Variants in PIK3C2A observed in about 807,000 individuals in gnomAD.
PIK3C2A encodes the protein phosphatidylinositol-4-phosphate 3-kinase catalytic subunit type 2 alpha.
In PIK3C2A, 97 loss-of-function variants were observed where a neutral mutation model predicts 204.5. The ratio of observed to expected loss-of-function variants is 0.47; its 90% CI spans 0.40 to 0.56. The LOEUF is 0.56. Ranked by LOEUF, PIK3C2A falls within the 20% of genes least tolerant of loss-of-function variation. PIK3C2A has a pLI of 0.00. For synonymous variants in PIK3C2A, 653 were observed against 664.4 expected, an observed-to-expected ratio of 0.98 and a Z score of 0.26; for missense variants, 1,735 against 1,969.2, an observed-to-expected ratio of 0.88 and a Z score of 2.25.
At chr11:17,163,182 T>C (rs1850838173) in intron 2 of PIK3C2A, among the ~76,000 whole-genome samples, 1 of 152,042 alleles carries the variant, frequency 6.6e-6, no homozygotes. Context: ...GGCATGCACC[T>C]GTAGTCCCAG....
At chr11:17,150,102 A>G (rs1850379196) in intron 4 of PIK3C2A, among the ~76,000 whole-genome samples, 1 of 152,224 alleles carries the variant, frequency 6.6e-6, no homozygotes. Context: ...TTTGGAAGAA[A>G]GGATTAAAAT....
chr11:17,092,342 T>C, intron 28 of PIK3C2A, 66 bp from the exon 29 acceptor site: 2 of 782,324 alleles, frequency 2.6e-6, no homozygotes, highest in Admixed American at 2.0e-5. Flanking sequence ...AAATACACTT[T>C]TTCATATATA....
intron 27 of PIK3C2A, among the ~76,000 whole-genome samples, chr11:17,095,252 C>T (rs534122778): frequency 4.1e-4 from 62 of 151,734 alleles, no homozygotes; most frequent in East Asian, 1.2e-3. Flanking sequence ...GGTAATAGAG[C>T]GAGACCGTTT....
chr11:17,199,825 T>A (rs1454413887), intron 1 of PIK3C2A, among the ~76,000 whole-genome samples: 1 of 149,346 alleles, frequency 6.7e-6, no homozygotes, highest in Non-Finnish European at 1.5e-5. Context: ...CTCGGGAGGC[T>A]GAGGCAGAAT....
chr11:17,146,016 A>C, intron 6 of PIK3C2A, 74 bp from the exon 7 acceptor site: 1 of 1,034,056 alleles, frequency 9.7e-7, no homozygotes, highest in Admixed American at 2.1e-5. Flanking sequence ...AATATAGTTA[A>C]GTGTATGATA....
chr11:17,117,126 T>C (rs1289638975), intron 19 of PIK3C2A, among the ~76,000 whole-genome samples: 1 of 152,208 alleles, frequency 6.6e-6, no homozygotes, highest in East Asian at 1.9e-4. Flanking sequence ...GACGTATCCA[T>C]ATTGACAGAA....
At chr11:17,166,000 T>G (rs1034566082) in intron 2 of PIK3C2A, among the ~76,000 whole-genome samples, 8 of 152,282 alleles carry the variant, frequency 5.3e-5, no homozygotes, top group African/African-American at 1.9e-4. Flanking sequence ...CAATCTTGTT[T>G]CATCTATAAG....
At chr11:17,160,913 T>C (rs547299155) in intron 2 of PIK3C2A, among the ~76,000 whole-genome samples, 1 of 152,146 alleles carries the variant, frequency 6.6e-6, no homozygotes, top group South Asian at 2.1e-4. Context: ...AACAGTTAAG[T>C]TTTGGAAAAG....
intron 12 of PIK3C2A, among the ~76,000 whole-genome samples, chr11:17,129,748 C>A (rs1225487220): frequency 6.6e-6 from 1 of 152,144 alleles, no homozygotes; most frequent in Non-Finnish European, 1.5e-5. Context: ...CCCACCACCA[C>A]GCCCAGCTAA....
chr11:17,180,403 A>G (rs1009756548), intron 1 of PIK3C2A, among the ~76,000 whole-genome samples: 2 of 151,976 alleles, frequency 1.3e-5, no homozygotes, highest in South Asian at 4.2e-4. Flanking sequence ...AACCATAAAA[A>G]TGTCAGTGAA....
intron 26 of PIK3C2A, among the ~76,000 whole-genome samples, chr11:17,097,613 G>T (rs1848490320): frequency 6.6e-6 from 1 of 152,128 alleles, no homozygotes; most frequent in Admixed American, 6.6e-5. Flanking sequence ...CAAATAGGTG[G>T]GAAAGAAAGT....
chr11:17,089,593 A>G lies in PIK3C2A; in HGVS notation c.*145T>C, dbSNP rs1848237478. The G allele has an allele frequency of 1.8e-6, 1 of 549,250 alleles. No individual in the cohort carries two copies. Among genetic ancestry groups the G allele is most frequent in the Admixed American group, 3.5e-5 (1 of 28,544 alleles). 34.0% of individuals were successfully genotyped at this position (549,250 alleles called of 1,614,324 possible). ...CCAACAGATGTGTTGAAATGCAGCA[A>G]GTATATTTAACTTTATAAGTTCTGT... On this transcript the variant is annotated 3_prime_UTR_variant, in exon 33 of 33. Coordinates refer to ENST00000691414, the MANE Select transcript of PIK3C2A (RefSeq NM_002645.4).
At position 17,171,667 on chromosome 11, in the gene PIK3C2A, TTACTG is replaced by T. The variant is rs1452731214; in HGVS notation, c.-65-1866_-65-1862del. Among the ~76,000 whole-genome samples, 9 of 152,356 alleles carry T rather than the reference TTACTG, an allele frequency of 5.9e-5. No homozygotes were observed. The East Asian group carries it at 1.5e-3, about 26-fold the overall frequency. ...AATGTATATTTAAAATATACACACTTTACTGTATGTAAACTTTATATCAAAAGAAA... is the reference window on the plus strand; with the variant it reads ...AATGTATATTTAAAATATACACACTTTATGTAAACTTTATATCAAAAGAAA... On this transcript the variant is annotated intron_variant, in intron 1 of 32. Transcript: ENST00000691414.
chr11:17,140,138 G>A (rs1033376781), intron 8 of PIK3C2A, among the ~76,000 whole-genome samples: 1 of 152,174 alleles, frequency 6.6e-6, no homozygotes. Context: ...TTCCTAGCTG[G>A]GCACAGTGGT....
chr11:17,165,058 A>C (rs1269202081), intron 2 of PIK3C2A, among the ~76,000 whole-genome samples: 1 of 152,096 alleles, frequency 6.6e-6, no homozygotes, highest in African/African-American at 2.4e-5. Context: ...ATCTAAACTA[A>C]AAAGGTCAAG....
chr11:17,202,149 G>A (rs574862244), intron 1 of PIK3C2A, among the ~76,000 whole-genome samples: 27 of 151,894 alleles, frequency 1.8e-4, no homozygotes, highest in Middle Eastern at 3.4e-3. Flanking sequence ...CCAGCTACTC[G>A]GGAGGCTGAG....
In PIK3C2A at chr11:17,144,070, G is replaced by T. The variant is rs1403250124; in HGVS notation, c.1704+1598C>A. On this transcript the variant is annotated intron_variant, in intron 8 of 32. Transcript: ENST00000691414. ...AGATAAAGTAAAATTCCTTAACATG[G>T]ATTATAAGGATAATAATCACATAGC... Among the ~76,000 whole-genome samples the T allele has an allele frequency of 2.0e-5, 3 of 152,160 alleles. No homozygotes were observed. In the East Asian group the frequency reaches 5.8e-4, roughly 29 times the overall value.
chr11:17,107,856 A>G (rs368117060), intron 22 of PIK3C2A, among the ~76,000 whole-genome samples: 28 of 151,796 alleles, frequency 1.8e-4, no homozygotes, highest in African/African-American at 6.8e-4. Context: ...GGCAGAATGA[A>G]TTCATTTGGC....
chr11:17,192,660 T>C (rs1851982455), intron 1 of PIK3C2A, among the ~76,000 whole-genome samples: 1 of 152,204 alleles, frequency 6.6e-6, no homozygotes, highest in Non-Finnish European at 1.5e-5. Context: ...TTAGCCAGGA[T>C]AGTCTCAAAC....
Sources: gnomAD v4.1 joint callset for allele counts (sites outside exome capture counted in the v4.1 genomes callset) on GRCh38, gnomAD v4.1.1 for gene constraint, MANE v1.5 for transcripts, NCBI Gene and HGNC (gene_info 2026-07-23, HGNC 2026-07-21) for gene names.